Variants in UPB1 observed in about 807,000 individuals in gnomAD.
The protein encoded by UPB1 is beta-ureidopropionase.
UPB1 carries 40 observed loss-of-function variants against 49.1 expected under a neutral mutation model. The observed-to-expected ratio is 0.81, with a 90% CI of 0.63 to 1.06. UPB1 has a LOEUF of 1.06. Among genes scored for constraint, UPB1 ranks in the 50% least tolerant of loss-of-function variants. The pLI, the probability that UPB1 is intolerant of heterozygous loss-of-function variation, is 0.00. For missense variants in UPB1, 499 were observed against 505.9 expected (o/e 0.99, Z 0.13); for synonymous variants, 207 against 198.2 (o/e 1.04, Z -0.38).
rs746179798 is a variant in UPB1 at position 24,495,537 on chromosome 22, G to T, written c.104+30G>T. ...GCAGCCAAGAGGCTAAGCTAATGGGGTCTTGGGGCCACAGAGTGTGGGTCT... is the reference window on the plus strand; with the variant it reads ...GCAGCCAAGAGGCTAAGCTAATGGGTTCTTGGGGCCACAGAGTGTGGGTCT... On this transcript the variant is annotated intron_variant, in intron 1 of 9. Transcript: ENST00000326010. The T allele has an allele frequency of 5.0e-6, 8 of 1,609,710 alleles. No individual in the cohort carries two copies. The East Asian group carries it at 1.8e-4, about 36-fold the overall frequency.
chr22:24,512,383 C>T (rs1171333643), intron 4 of UPB1, among the ~76,000 whole-genome samples: 7 of 152,140 alleles, frequency 4.6e-5, no homozygotes, highest in East Asian at 1.9e-4. Flanking sequence ...GAGATCATGA[C>T]AGCTAATTAG....
At chr22:24,523,533 G>T in intron 8 of UPB1, 86 bp from the exon 9 acceptor site, 1 of 1,591,630 alleles carries the variant, frequency 6.3e-7, no homozygotes. Context: ...TCCGTGTCCT[G>T]GGCCTGCCTC....
intron 2 of UPB1, 98 bp downstream of exon 2, chr22:24,500,376 G>A: frequency 6.5e-7 from 1 of 1,540,742 alleles, no homozygotes; most frequent in Non-Finnish European, 8.8e-7. Flanking sequence ...CTCCGGGTCT[G>A]CAGGCTTGGG....
chr22:24,501,465 C>T (rs138678308), intron 2 of UPB1, among the ~76,000 whole-genome samples: 1 of 152,330 alleles, frequency 6.6e-6, no homozygotes, highest in Non-Finnish European at 1.5e-5. Context: ...AAGAGTGGCA[C>T]ACAAAGCAGT....
At chr22:24,496,388 C>CACAT (rs1568976683) in intron 1 of UPB1, among the ~76,000 whole-genome samples, 1 of 137,944 alleles carries the variant, frequency 7.2e-6, no homozygotes, top group African/African-American at 3.1e-5. Flanking sequence ...CACACACACA[C>CACAT]ACACACACAC....
intron 6 of UPB1, 21 bp downstream of exon 6, chr22:24,515,391 TG>T (rs755500357): frequency 6.2e-7 from 1 of 1,613,950 alleles, no homozygotes; most frequent in South Asian, 1.1e-5. Context: ...TGGTGGGGTC[TG>T]GGGGGCTTCC....
At chr22:24,495,623 C>T (rs2043856034) in intron 1 of UPB1, 116 bp downstream of exon 1, 1 of 1,159,486 alleles carries the variant, frequency 8.6e-7, no homozygotes, top group Non-Finnish European at 1.3e-6. Flanking sequence ...GTGAGAAGTC[C>T]TGAGTTGGCG....
intron 8 of UPB1, among the ~76,000 whole-genome samples, chr22:24,522,588 C>G (rs2044414082): frequency 6.6e-6 from 1 of 151,868 alleles, no homozygotes; most frequent in Admixed American, 6.6e-5. Context: ...GTATCTGAAC[C>G]TTGGTGAGGT....
intron 9 of UPB1, among the ~76,000 whole-genome samples, chr22:24,525,210 G>T (rs1418394458): frequency 6.6e-6 from 1 of 152,042 alleles, no homozygotes; most frequent in Non-Finnish European, 1.5e-5. Context: ...CCTTGGGAAA[G>T]GAGGGAGGGA....
chr22:24,510,218 A>T (rs926979353), intron 3 of UPB1, among the ~76,000 whole-genome samples: 1 of 150,278 alleles, frequency 6.7e-6, no homozygotes, highest in African/African-American at 2.5e-5. Context: ...GGGCAACAAG[A>T]GCAAAACTCC....
At chr22:24,523,555 C>T (rs2044432479) in intron 8 of UPB1, 64 bp from the exon 9 acceptor site, 1 of 1,608,566 alleles carries the variant, frequency 6.2e-7, no homozygotes, top group Non-Finnish European at 8.5e-7. Context: ...AGGTGCCTGA[C>T]CCTCTGTGGA....
In UPB1 at chr22:24,513,429, G is replaced by A. The variant is rs1479039736; in HGVS notation, c.565G>A (p.Ala189Thr). ...NTAVVISNSG[A>T]VLGKTRKNHI... ...AGCCGTGGTGATCTCCAATTCCGGAGCAGTCCTGGGAAAGACCAGGAAAAA... is the reference window on the plus strand; with the variant it reads ...AGCCGTGGTGATCTCCAATTCCGGAACAGTCCTGGGAAAGACCAGGAAAAA... The change falls in exon 5 of 10, where the codon GCA becomes ACA. Residue 189 changes from alanine to threonine, a missense_variant. Ala to Thr is a moderately conservative substitution (Grantham distance 58). Coordinates refer to ENST00000326010, the MANE Select transcript of UPB1 (RefSeq NM_016327.3). 1 of 1,614,062 alleles carries A rather than the reference G, an allele frequency of 6.2e-7. No individual in the cohort carries two copies. Among genetic ancestry groups the A allele is most frequent in the African/African-American group, 1.3e-5 (1 of 74,922 alleles).
Position 24,496,217 on chromosome 22 carries a change from A to C in UPB1, c.104+710A>C, listed in dbSNP as rs539999851. On this transcript the variant is annotated intron_variant, in intron 1 of 9. Coordinates refer to ENST00000326010, the MANE Select transcript of UPB1 (RefSeq NM_016327.3). ...GACACCCATCTCTATAAAGCATTTA[A>C]AAAAATAGCCAAGCATGGTAGCATG... Among the ~76,000 whole-genome samples the C allele has an allele frequency of 5.7e-4, 87 of 152,208 alleles. 3 individuals carry two copies. The South Asian group carries it at 0.018, about 31-fold the overall frequency.
At chr22:24,511,118 C>T (rs1167127047) in intron 4 of UPB1, among the ~76,000 whole-genome samples, 1 of 152,022 alleles carries the variant, frequency 6.6e-6, no homozygotes, top group African/African-American at 2.4e-5. Context: ...TAGCAAGTCC[C>T]ACAGCTGGCA....
chr22:24,495,659 G>A (rs2043856889), intron 1 of UPB1, 152 bp downstream of exon 1: 1 of 804,728 alleles, frequency 1.2e-6, no homozygotes, highest in Non-Finnish European at 2.1e-6. Context: ...AGGTCTTGAT[G>A]GGACGGCCCC....
intron 4 of UPB1, among the ~76,000 whole-genome samples, chr22:24,511,621 T>A (rs867419240): frequency 0.015 from 2,156 of 145,226 alleles, 62 homozygotes; most frequent in African/African-American, 0.051. Context: ...TATATATATT[T>A]TTTTTTTTTT....
chr22:24,502,776 T>G (rs2044017170), intron 3 of UPB1: 2 of 516,088 alleles, frequency 3.9e-6, no homozygotes, highest in Admixed American at 7.0e-5. Flanking sequence ...TAGTTTTGCA[T>G]CACCTATTGA....
chr22:24,515,250 A>C lies in UPB1; in HGVS notation c.671A>C (p.Gln224Pro). The change falls in exon 6 of 10, where the codon CAG becomes CCG. Residue 224 changes from glutamine (Q) to proline (P), a missense_variant. Coordinates refer to ENST00000326010, the MANE Select transcript of UPB1 (RefSeq NM_016327.3). Reference protein sequence around the residue: ...GNLGHPVFQTQFGRIAVNICY... With the variant: ...GNLGHPVFQTPFGRIAVNICY... ...CTGGGCCACCCCGTGTTCCAGACGC[A>C]GTTCGGAAGGATCGCGGTGAACATT... is the stretch of plus-strand genomic sequence containing the variant. 1 of 1,614,220 alleles carries C rather than the reference A, an allele frequency of 6.2e-7. No homozygotes were observed. Among genetic ancestry groups the C allele is most frequent in the Non-Finnish European group, 8.5e-7 (1 of 1,180,038 alleles).
rs558618268 is a variant in UPB1 at position 24,500,387 on chromosome 22, C to T, written c.276+109C>T. On this transcript the variant is annotated intron_variant, in intron 2 of 9. Coordinates refer to ENST00000326010, the MANE Select transcript of UPB1 (RefSeq NM_016327.3). ...CATACTCCGGGTCTGCAGGCTTGGG[C>T]GCCTCAAGCAGTAGCAGAGGCGCTT... 1.5e-5 allele frequency: 22 copies of T among 1,488,796 alleles called. No homozygotes were observed. In the African/African-American group the frequency reaches 1.5e-4, roughly 10 times the overall value. The allele number at this position is 1,488,796 out of a possible 1,614,324, so 92.2% of individuals were successfully genotyped here.
Sources: gnomAD v4.1 joint callset for allele counts (sites outside exome capture counted in the v4.1 genomes callset) on GRCh38, gnomAD v4.1.1 for gene constraint, MANE v1.5 for transcripts, NCBI Gene and HGNC (gene_info 2026-07-23, HGNC 2026-07-21) for gene names.